The following PELI1 variants were observed in gnomAD, a reference collection of about 807,000 sequenced individuals.
PELI1 encodes the protein E3 ubiquitin-protein ligase pellino homolog 1.
Under a neutral mutation model 41.3 loss-of-function variants are expected in PELI1, and 15 were observed. That is an observed-to-expected ratio of 0.36 (90% CI 0.24 to 0.56). PELI1 has a LOEUF of 0.56. PELI1 is among the 20% of genes least tolerant of loss of function. The pLI, the probability that PELI1 is intolerant of heterozygous loss-of-function variation, is 0.82. For synonymous variants in PELI1, 178 were observed against 180.1 expected (o/e 0.99, Z 0.09); for missense variants, 403 against 525.5 (o/e 0.77, Z 2.28).
chr2:64,137,774 G>A (rs567861592), intron 1 of PELI1, among the ~76,000 whole-genome samples: 2 of 151,918 alleles, frequency 1.3e-5, no homozygotes, highest in South Asian at 2.1e-4. Flanking sequence ...GAAATATCAC[G>A]TGGCCAATCA....
intron 1 of PELI1, among the ~76,000 whole-genome samples, chr2:64,123,211 G>C (rs1158604260): frequency 1.3e-5 from 2 of 152,166 alleles, no homozygotes; most frequent in East Asian, 1.9e-4. Context: ...CTGAAAATCA[G>C]ACAAAAATTT....
In PELI1 at chr2:64,096,609, ATCTGAGGG is replaced by A. The variant is rs1249616774; in HGVS notation, c.304-7_304del. The A allele has an allele frequency of 6.2e-7, 1 of 1,605,326 alleles. No homozygotes were observed. Among genetic ancestry groups the A allele is most frequent in the African/African-American group, 1.3e-5 (1 of 74,094 alleles). On this transcript the variant is annotated splice_acceptor_variant and splice_polypyrimidine_tract_variant and coding_sequence_variant and intron_variant, in exon 5 of 7. Transcript: ENST00000358912. LOFTEE classifies it high-confidence loss of function. ...AATGGGGCTTTCAGTCGACCGGCCA[ATCTGAGGG>A]AAAAAAAAAAATACCTATAAACCCA...
Position 64,096,145 on chromosome 2 carries a change from C to A in PELI1, c.670G>T (p.Ala224Ser). 1.2e-6 allele frequency: 2 copies of A among 1,613,328 alleles called. No individual in the cohort carries two copies. Among genetic ancestry groups the A allele is most frequent in the Non-Finnish European group, 1.7e-6 (2 of 1,179,496 alleles). Residue 224 changes from alanine to serine, a missense_variant, in exon 6 of 7, where the codon GCT (alanine) becomes TCT (serine). Coordinates refer to ENST00000358912, the MANE Select transcript of PELI1 (RefSeq NM_020651.4). ...NVFSLRETRS[A>S]QQRGKMVEIE... ...TTTACCATTTTTCCTCTCTGCTGAGCCGATCTGGTTTCACGTAGGCTAAAT... is the reference window on the plus strand; with the variant it reads ...TTTACCATTTTTCCTCTCTGCTGAGACGATCTGGTTTCACGTAGGCTAAAT...
chr2:64,113,064 G>A (rs1474722471), intron 1 of PELI1, among the ~76,000 whole-genome samples: 1 of 151,902 alleles, frequency 6.6e-6, no homozygotes, highest in South Asian at 2.1e-4. Flanking sequence ...GATCACTTGA[G>A]GCCAGGAGTT....
At position 64,108,837 on chromosome 2, in the gene PELI1, A is replaced by G. The variant is rs566500556; in HGVS notation, c.-69-458T>C. 3.9e-5 allele frequency among the ~76,000 whole-genome samples: 6 copies of G among 152,340 alleles called. No homozygotes were observed. The South Asian group carries it at 1.0e-3, about 26-fold the overall frequency. On this transcript the variant is annotated intron_variant, in intron 1 of 6. Coordinates refer to ENST00000358912, the MANE Select transcript of PELI1 (RefSeq NM_020651.4). ...AATGCCAACTGGCACAGACAAAAAG[A>G]GCCACAACAAAAGCTTGCTCTCTCT...
intron 3 of PELI1, among the ~76,000 whole-genome samples, chr2:64,102,639 T>C (rs1317906923): frequency 3.9e-5 from 6 of 152,328 alleles, no homozygotes; most frequent in East Asian, 1.9e-4. Flanking sequence ...TGCTTTGAAA[T>C]TGTAATCTTT....
chr2:64,137,764 G>A (rs1306552646), intron 1 of PELI1, among the ~76,000 whole-genome samples: 1 of 151,958 alleles, frequency 6.6e-6, no homozygotes, highest in Non-Finnish European at 1.5e-5. Flanking sequence ...TAAATAACAT[G>A]AAATATCACG....
intron 1 of PELI1, among the ~76,000 whole-genome samples, chr2:64,126,444 G>C (rs191139632): frequency 6.6e-6 from 1 of 152,204 alleles, no homozygotes; most frequent in Non-Finnish European, 1.5e-5. Context: ...TTACAGGCAT[G>C]AGCCACTGTG....
At chr2:64,136,771 T>C (rs1681729687) in intron 1 of PELI1, among the ~76,000 whole-genome samples, 1 of 152,050 alleles carries the variant, frequency 6.6e-6, no homozygotes, top group Admixed American at 6.6e-5. Flanking sequence ...GGCGTAGTGG[T>C]GTGCGCCTAT....
At chr2:64,126,104 G>A (rs2103727162) in intron 1 of PELI1, among the ~76,000 whole-genome samples, 1 of 152,266 alleles carries the variant, frequency 6.6e-6, no homozygotes, top group South Asian at 2.1e-4. Context: ...TAACCATTGT[G>A]AGCTTTCTTT....
intron 1 of PELI1, among the ~76,000 whole-genome samples, chr2:64,121,507 C>T: frequency 6.6e-6 from 1 of 152,130 alleles, no homozygotes; most frequent in East Asian, 1.9e-4. Flanking sequence ...TTCCTTATGT[C>T]TTTAAAGATC....
intron 1 of PELI1, among the ~76,000 whole-genome samples, chr2:64,109,368 A>C (rs930092609): frequency 6.6e-6 from 1 of 152,336 alleles, no homozygotes; most frequent in African/African-American, 2.4e-5. Context: ...TCATCCTAGC[A>C]AGAACAAGAT....
chr2:64,132,492 G>A (rs1041322444), intron 1 of PELI1, among the ~76,000 whole-genome samples: 2 of 152,120 alleles, frequency 1.3e-5, no homozygotes. Context: ...AACTGTCCAA[G>A]GCAAAAGAGC....
rs1454259044 is a variant in PELI1, at chr2:64,094,091, A to C, written c.*611T>G. ...TAATTAGTATGAATTTGGTCTTACA[A>C]ATTACAAAGTATTCTAATTTACCAA... On this transcript the variant is annotated 3_prime_UTR_variant, in exon 7 of 7. Coordinates refer to ENST00000358912, the MANE Select transcript of PELI1 (RefSeq NM_020651.4). The C allele has an allele frequency of 6.6e-6, 1 of 152,642 alleles. No homozygotes were observed. Among genetic ancestry groups the C allele is most frequent in the Admixed American group, 6.5e-5 (1 of 15,274 alleles). The allele number at this position is 152,642 out of a possible 1,614,324, so 9.5% of individuals were successfully genotyped here.
chr2:64,107,084 A>G (rs897521404), intron 2 of PELI1, among the ~76,000 whole-genome samples: 2 of 151,930 alleles, frequency 1.3e-5, no homozygotes, highest in Non-Finnish European at 2.9e-5. Context: ...ATGCACTATC[A>G]TGCCCAGCTA....
chr2:64,095,230 T>C lies in PELI1; in HGVS notation c.729A>G (p.Leu243=). The change falls in exon 7 of 7, where the codon TTA becomes TTG. Residue 243 remains leucine, a synonymous_variant. Transcript: ENST00000358912. The stretch of plus-strand genomic sequence containing the variant: ...ACAATGTTGCACCACAGAGGTCAAT[T>C]AACGAGCCATCTTGTAACTGATTGG... ...IETNQLQDGS[L]IDLCGATLLW... 2.5e-6 allele frequency: 4 copies of C among 1,613,998 alleles called. No individual in the cohort carries two copies. The South Asian group carries it at 4.4e-5, about 18-fold the overall frequency.
intron 1 of PELI1, among the ~76,000 whole-genome samples, chr2:64,137,731 G>T (rs968725278): frequency 1.3e-5 from 2 of 151,970 alleles, no homozygotes; most frequent in Non-Finnish European, 2.9e-5. Flanking sequence ...TTTCTGTCAA[G>T]ATCCTCTGTG....
At chr2:64,112,198 T>C (rs1487809317) in intron 1 of PELI1, among the ~76,000 whole-genome samples, 7 of 152,190 alleles carry the variant, frequency 4.6e-5, no homozygotes, top group Non-Finnish European at 8.8e-5. Flanking sequence ...ATGCCCGTAT[T>C]TGGCTGACAT....
At chr2:64,119,006 T>C (rs1681113698) in intron 1 of PELI1, among the ~76,000 whole-genome samples, 1 of 44,732 alleles carries the variant, frequency 2.2e-5, no homozygotes, top group Admixed American at 1.9e-4. Flanking sequence ...CCCTAAGTAC[T>C]GTAGCTTGAT....
Sources: gnomAD v4.1 joint callset for allele counts (sites outside exome capture counted in the v4.1 genomes callset) on GRCh38, gnomAD v4.1.1 for gene constraint, MANE v1.5 for transcripts, NCBI Gene and HGNC (gene_info 2026-07-23, HGNC 2026-07-21) for gene names.